The following ESR1 variants were observed in gnomAD, a reference collection of about 807,000 sequenced individuals.
ESR1 encodes the protein estrogen receptor 1.
ESR1 carries 12 observed loss-of-function variants against 52.7 expected under a neutral mutation model. The ratio of observed to expected loss-of-function variants is 0.23; its 90% CI spans 0.15 to 0.37. The LOEUF (loss-of-function observed/expected upper bound fraction) is 0.37, where lower values mean the gene tolerates loss of function less well. Ranked by LOEUF, ESR1 falls within the 10% of genes least tolerant of loss-of-function variation. The probability of loss-of-function intolerance (pLI) is 1.00; values close to 1 mark genes in which losing one functional copy is unlikely to be tolerated. For missense variants in ESR1, 584 were observed against 779.7 expected, an observed-to-expected ratio of 0.75 and a Z score of 2.99; for synonymous variants, 305 against 316.8, an observed-to-expected ratio of 0.96 and a Z score of 0.39.
intron 3 of ESR1, among the ~76,000 whole-genome samples, chr6:151,940,090 A>G (rs1179977224): frequency 6.6e-6 from 1 of 152,182 alleles, no homozygotes; most frequent in Admixed American, 6.5e-5. Flanking sequence ...ATGGCTGGGG[A>G]GGCCTCACAG....
chr6:151,793,149 C>T lies in ESR1; in HGVS notation c.-70-14694C>T, dbSNP rs539736052. On this transcript the variant is annotated intron_variant, in intron 2 of 2. Transcript: ENST00000404742. ...TTGCACCACTGCACTCCAGCCTGGG[C>T]GACAGAACGAGACTCTATCTCAAAA... is the stretch of plus-strand genomic sequence containing the variant. Among the ~76,000 whole-genome samples, 13 of 149,036 alleles carry T rather than the reference C, an allele frequency of 8.7e-5. No individual in the cohort carries two copies. In the East Asian group the frequency reaches 9.8e-4, roughly 11 times the overall value.
At chr6:151,834,917 A>T (rs1419977111) in intron 1 of ESR1, among the ~76,000 whole-genome samples, 1 of 152,032 alleles carries the variant, frequency 6.6e-6, no homozygotes, top group African/African-American at 2.4e-5. Context: ...TGGGCCTTCC[A>T]GGTCACGGAA....
intron 3 of ESR1, among the ~76,000 whole-genome samples, chr6:151,917,978 A>G (rs910144373): frequency 6.6e-6 from 1 of 152,212 alleles, no homozygotes; most frequent in East Asian, 1.9e-4. Flanking sequence ...ATATAAACAC[A>G]TGCTAATTGC....
At chr6:151,929,796 A>G (rs2033317443) in intron 3 of ESR1, among the ~76,000 whole-genome samples, 1 of 152,130 alleles carries the variant, frequency 6.6e-6, no homozygotes, top group Non-Finnish European at 1.5e-5. Flanking sequence ...GACAATTTCC[A>G]TCTTTTAACT....
intron 1 of ESR1, among the ~76,000 whole-genome samples, chr6:151,814,352 T>G (rs1017603756): frequency 4.9e-4 from 75 of 152,226 alleles, no homozygotes; most frequent in African/African-American, 1.6e-3. Context: ...CTTTATTTTC[T>G]AATACATAGA....
chr6:151,962,402 C>T (rs989076512), intron 4 of ESR1, among the ~76,000 whole-genome samples: 2 of 152,184 alleles, frequency 1.3e-5, no homozygotes, highest in Non-Finnish European at 2.9e-5. Flanking sequence ...GGGTTTTCCA[C>T]TCTGCCATCC....
chr6:151,798,962 A>G (rs1208414342), intron 2 of ESR1, among the ~76,000 whole-genome samples: 4 of 152,200 alleles, frequency 2.6e-5, no homozygotes, highest in Admixed American at 6.5e-5. Context: ...AATGTTTTTA[A>G]CTTATGTTCT....
downstream of ESR1, among the ~76,000 whole-genome samples, chr6:152,107,570 A>G (rs959824620): frequency 5.9e-5 from 9 of 152,206 alleles, no homozygotes; most frequent in Non-Finnish European, 1.2e-4. Flanking sequence ...TAGCTACATC[A>G]AGTCTTTGCT....
chr6:151,880,963 A>C (rs1792815079), intron 3 of ESR1, among the ~76,000 whole-genome samples, 192 bp downstream of exon 3: 1 of 152,170 alleles, frequency 6.6e-6, no homozygotes, highest in South Asian at 2.1e-4. Context: ...AAGTGTCTGG[A>C]ACTGGAAATT....
chr6:151,709,444 G>A (rs543820055), intron 2 of ESR1, among the ~76,000 whole-genome samples: 1 of 152,230 alleles, frequency 6.6e-6, no homozygotes, highest in African/African-American at 2.4e-5. Context: ...TAATAAACAT[G>A]GGAGTGCAGA....
chr6:152,044,255 A>G (rs2046042530), intron 5 of ESR1, among the ~76,000 whole-genome samples: 1 of 152,198 alleles, frequency 6.6e-6, no homozygotes. Context: ...TGTTCTCCAC[A>G]CTATTAGAAG....
At chr6:151,950,847 G>C (rs2036248278) in intron 4 of ESR1, among the ~76,000 whole-genome samples, 3 of 101,534 alleles carry the variant, frequency 3.0e-5, no homozygotes, top group Admixed American at 2.8e-4. Context: ...TACTTTGTAT[G>C]GGAGCCCTAG....
At chr6:151,695,046 A>G (rs1007272725) in intron 1 of ESR1, among the ~76,000 whole-genome samples, 1 of 152,110 alleles carries the variant, frequency 6.6e-6, no homozygotes, top group African/African-American at 2.4e-5. Flanking sequence ...TGCGGTTTTG[A>G]GGGGATGGTG....
intron 2 of ESR1, among the ~76,000 whole-genome samples, chr6:151,723,274 C>T (rs1445491146): frequency 3.3e-5 from 5 of 149,264 alleles, no homozygotes; most frequent in African/African-American, 9.9e-5. Flanking sequence ...TTGATGGGTA[C>T]AATCTACACT....
intron 5 of ESR1, among the ~76,000 whole-genome samples, chr6:152,057,777 A>C (rs986099520): frequency 6.6e-6 from 1 of 152,070 alleles, no homozygotes; most frequent in East Asian, 1.9e-4. Context: ...CTGAGGGCAC[A>C]GTCTACAGCT....
chr6:151,781,616 T>C (rs909949658), intron 2 of ESR1, among the ~76,000 whole-genome samples: 4 of 152,246 alleles, frequency 2.6e-5, no homozygotes, highest in Non-Finnish European at 5.9e-5. Context: ...ACCGCTTCGC[T>C]GTTTCCATTC....
intron 1 of ESR1, among the ~76,000 whole-genome samples, chr6:151,829,982 C>A (rs1440937915): frequency 6.6e-6 from 1 of 152,130 alleles, no homozygotes; most frequent in Non-Finnish European, 1.5e-5. Flanking sequence ...GTAAAAATTT[C>A]CATTTGCAAT....
intron 2 of ESR1, among the ~76,000 whole-genome samples, chr6:151,740,708 TC>T (rs1330943440): frequency 2.6e-5 from 4 of 152,196 alleles, no homozygotes; most frequent in Non-Finnish European, 1.5e-5. Context: ...GTCTGTCTCA[TC>T]TATCTGCCTG....
At chr6:151,920,301 CT>C (rs11298172) in intron 3 of ESR1, among the ~76,000 whole-genome samples, 23,314 of 141,670 alleles carry the variant, frequency 0.16, 2,436 homozygotes, top group African/African-American at 0.3. Flanking sequence ...CCCTTGACTG[CT>C]TTTTTTTTTT....
Sources: gnomAD v4.1 joint callset for allele counts (sites outside exome capture counted in the v4.1 genomes callset) on GRCh38, gnomAD v4.1.1 for gene constraint, MANE v1.5 for transcripts, NCBI Gene and HGNC (gene_info 2026-07-23, HGNC 2026-07-21) for gene names.